The following PBX1 variants were observed in gnomAD, a reference collection of about 807,000 sequenced individuals.
PBX1 encodes PBX homeobox 1.
In PBX1, 6 loss-of-function variants were observed where a neutral mutation model predicts 53.4. The ratio of observed to expected loss-of-function variants is 0.11; its 90% CI spans 0.06 to 0.22. PBX1 has a LOEUF of 0.22. Among genes scored for constraint, PBX1 ranks in the 10% least tolerant of loss-of-function variants. PBX1 has a pLI of 1.00. For synonymous variants in PBX1, 204 were observed against 212.3 expected (o/e 0.96, Z 0.34); for missense variants, 251 against 551.4 (o/e 0.46, Z 5.46).
intron 2 of PBX1, among the ~76,000 whole-genome samples, chr1:164,739,897 A>G (rs1665514371): frequency 1.3e-5 from 2 of 152,112 alleles, no homozygotes; most frequent in South Asian, 4.1e-4. Flanking sequence ...TTTTAATGCT[A>G]GGGTTCATTT....
intron 2 of PBX1, among the ~76,000 whole-genome samples, chr1:164,870,251 T>C (rs936408748): frequency 1.8e-3 from 120 of 65,964 alleles, no homozygotes; most frequent in African/African-American, 7.1e-3. Flanking sequence ...CCTTCCTTCC[T>C]TCCTTCCTTC....
chr1:164,805,075 T>A (rs926028471), intron 4 of PBX1, among the ~76,000 whole-genome samples: 1 of 152,184 alleles, frequency 6.6e-6, no homozygotes, highest in Non-Finnish European at 1.5e-5. Context: ...GAGTCTTTTA[T>A]AAAAAACTTA....
chr1:164,874,927 T>C (rs1672469299), intron 2 of PBX1, among the ~76,000 whole-genome samples: 1 of 152,140 alleles, frequency 6.6e-6, no homozygotes, highest in African/African-American at 2.4e-5. Flanking sequence ...AGCAAGAAGC[T>C]TTTTCCTCAA....
chr1:164,798,157 G>A (rs192297300), intron 3 of PBX1, among the ~76,000 whole-genome samples: 83 of 152,324 alleles, frequency 5.4e-4, no homozygotes, highest in Non-Finnish European at 9.7e-4. Flanking sequence ...CAGCCCAGTG[G>A]ATGCACCTGC....
At chr1:164,618,300 G>GA (rs973550136) in intron 2 of PBX1, among the ~76,000 whole-genome samples, 13 of 43,754 alleles carry the variant, frequency 3.0e-4, no homozygotes, top group Non-Finnish European at 7.2e-4. Context: ...ATCACGGCGG[G>GA]GGGGGGGGGG....
chr1:164,717,099 T>G (rs778729492), intron 2 of PBX1, among the ~76,000 whole-genome samples: 1 of 152,198 alleles, frequency 6.6e-6, no homozygotes, highest in Non-Finnish European at 1.5e-5. Flanking sequence ...AGCATTTTTA[T>G]AGCCATTTTC....
At chr1:164,676,244 A>G (rs1353807142) in intron 2 of PBX1, among the ~76,000 whole-genome samples, 1 of 152,068 alleles carries the variant, frequency 6.6e-6, no homozygotes, top group East Asian at 1.9e-4. Flanking sequence ...GGGCTTCTAC[A>G]TTTAATTCCT....
At chr1:164,687,098 A>G (rs1662149606) in intron 2 of PBX1, among the ~76,000 whole-genome samples, 1 of 152,226 alleles carries the variant, frequency 6.6e-6, no homozygotes, top group Non-Finnish European at 1.5e-5. Context: ...GTCAGGGTGG[A>G]CAACAGCCAT....
intron 2 of PBX1, chr1:164,641,335 C>T (rs1324981420): frequency 6.5e-6 from 1 of 152,792 alleles, no homozygotes; most frequent in Non-Finnish European, 1.5e-5. Flanking sequence ...GCAGTTCCCA[C>T]TATGGTACCT....
chr1:164,647,815 CTTTTT>C (rs11299199), intron 2 of PBX1, among the ~76,000 whole-genome samples: 1 of 133,926 alleles, frequency 7.5e-6, no homozygotes. Context: ...AGCACCCCAG[CTTTTT>C]TTTTTTTTTT....
At chr1:164,687,101 A>G (rs201391063) in intron 2 of PBX1, among the ~76,000 whole-genome samples, 1 of 152,232 alleles carries the variant, frequency 6.6e-6, no homozygotes, top group Non-Finnish European at 1.5e-5. Context: ...AGGGTGGACA[A>G]CAGCCATAGT....
At chr1:164,673,419 A>G (rs1463223820) in intron 2 of PBX1, among the ~76,000 whole-genome samples, 1 of 150,756 alleles carries the variant, frequency 6.6e-6, no homozygotes, top group African/African-American at 2.5e-5. Context: ...CTCCGCTTTC[A>G]TCAGCCCAAC....
chr1:164,667,807 C>A (rs1660889226), intron 2 of PBX1, among the ~76,000 whole-genome samples: 1 of 152,192 alleles, frequency 6.6e-6, no homozygotes, highest in Non-Finnish European at 1.5e-5. Context: ...GTGAGACTCT[C>A]AGATGTGGGG....
At chr1:164,828,940 T>C (rs1426291203) in intron 8 of PBX1, 1 of 152,194 alleles carries the variant, frequency 6.6e-6, no homozygotes, top group Non-Finnish European at 1.5e-5. Flanking sequence ...TTTTTAAAAA[T>C]CCCAATCTCT....
chr1:164,573,007 C>G (rs1039198526), intron 2 of PBX1, among the ~76,000 whole-genome samples: 1 of 152,090 alleles, frequency 6.6e-6, no homozygotes, highest in African/African-American at 2.4e-5. Flanking sequence ...TTTCACACCC[C>G]CCTCCCCTAC....
chr1:164,770,783 A>G (rs927165211), intron 2 of PBX1: 9 of 152,202 alleles, frequency 5.9e-5, no homozygotes, highest in Non-Finnish European at 1.3e-4. Context: ...GGTGTTAATT[A>G]CATAGGCTTG....
intron 2 of PBX1, among the ~76,000 whole-genome samples, chr1:164,670,073 C>G (rs998718690): frequency 8.7e-5 from 13 of 149,388 alleles, no homozygotes; most frequent in Non-Finnish European, 1.6e-4. Context: ...TGTGAGAGTA[C>G]TAAGCCATAG....
At chr1:164,882,932 C>T (rs1275789256) in intron 2 of PBX1, among the ~76,000 whole-genome samples, 6 of 152,148 alleles carry the variant, frequency 3.9e-5, no homozygotes, top group South Asian at 4.1e-4. Context: ...CAGACAAGAA[C>T]GTTAACTGTT....
intron 2 of PBX1, among the ~76,000 whole-genome samples, chr1:164,714,212 T>G (rs1663961092): frequency 6.6e-6 from 1 of 152,264 alleles, no homozygotes; most frequent in Non-Finnish European, 1.5e-5. Context: ...AAGAAATCTT[T>G]TATATTGTCT....
Sources: allele counts gnomAD v4.1 joint callset (sites outside exome capture counted in the v4.1 genomes callset), GRCh38; gene constraint gnomAD v4.1.1; transcripts MANE v1.5; gene names NCBI Gene and HGNC (gene_info 2026-07-23, HGNC 2026-07-21).